The following NUP88 variants were observed in gnomAD, a reference collection of about 807,000 sequenced individuals.
NUP88 encodes nucleoporin 88.
NUP88 carries 57 observed loss-of-function variants against 93.9 expected under a neutral mutation model. That is an observed-to-expected ratio of 0.61 (90% CI 0.49 to 0.76). The LOEUF is 0.76. NUP88 is among the 30% of genes least tolerant of loss of function. NUP88 has a pLI of 0.00. For synonymous variants in NUP88, 346 were observed against 336.8 expected (o/e 1.03, Z -0.30); for missense variants, 911 against 901.0 (o/e 1.01, Z -0.14).
chr17:5,393,056 G>A (rs968958714), intron 9 of NUP88, among the ~76,000 whole-genome samples: 3 of 151,754 alleles, frequency 2.0e-5, no homozygotes, highest in Admixed American at 6.6e-5. Flanking sequence ...AGGGTCATAC[G>A]ATTCTCCTGC....
chr17:5,390,120 G>A lies in NUP88; in HGVS notation c.1485-1160C>T, dbSNP rs143427626. Among the ~76,000 whole-genome samples, 155 of 148,316 alleles carry A rather than the reference G, an allele frequency of 1.0e-3. 1 individual carries two copies. Among genetic ancestry groups the A allele is most frequent in the African/African-American group, 3.7e-3 (147 of 40,042 alleles). On this transcript the variant is annotated intron_variant, in intron 10 of 16. Coordinates refer to ENST00000573584, the MANE Select transcript of NUP88 (RefSeq NM_002532.6). ...GCAGAGGTTGCAGTGAGCTGAGATC[G>A]TGCCACTGCCCTCCAGCTTGGGCAA...
chr17:5,391,698 G>A, intron 9 of NUP88, 36 bp from the exon 10 acceptor site: 1 of 1,555,034 alleles, frequency 6.4e-7, no homozygotes, highest in Non-Finnish European at 8.9e-7. Context: ...TTACAAAGCA[G>A]CAAATGCAAT....
In NUP88 at chr17:5,386,055, A is replaced by T. The variant is rs1454791598; in HGVS notation, c.*151T>A. 2.2e-5 allele frequency: 13 copies of T among 589,502 alleles called. No homozygotes were observed. Among genetic ancestry groups the T allele is most frequent in the Non-Finnish European group, 3.9e-5 (13 of 335,672 alleles). 36.5% of individuals were successfully genotyped at this position (589,502 alleles called of 1,614,324 possible). A position where few individuals can be genotyped will look rare whatever the true frequency, so the allele number is the denominator to read the frequency against. On this transcript the variant is annotated 3_prime_UTR_variant, in exon 17 of 17. Transcript: ENST00000573584. ...AAATTTTAAATAAAAGCATTTACTCAATTATTATAAAACAACATATTTAAA... is the reference window on the plus strand; with the variant it reads ...AAATTTTAAATAAAAGCATTTACTCTATTATTATAAAACAACATATTTAAA...
chr17:5,401,877 C>T (rs1276557536), intron 7 of NUP88, among the ~76,000 whole-genome samples: 1 of 152,148 alleles, frequency 6.6e-6, no homozygotes, highest in African/African-American at 2.4e-5. Context: ...TTGTTAGATA[C>T]CACCCTATGC....
At chr17:5,394,142 T>C (rs1912621718) in intron 9 of NUP88, among the ~76,000 whole-genome samples, 1 of 152,162 alleles carries the variant, frequency 6.6e-6, no homozygotes, top group African/African-American at 2.4e-5. Flanking sequence ...CAGAGTGGTC[T>C]GGGCTAGGGC....
At chr17:5,389,931 C>T (rs972351202) in intron 10 of NUP88, among the ~76,000 whole-genome samples, 8 of 151,858 alleles carry the variant, frequency 5.3e-5, no homozygotes, top group Non-Finnish European at 8.8e-5. Flanking sequence ...TTTGGGAGGC[C>T]GAGGTGGGTG....
chr17:5,400,138 G>GT (rs201472258), intron 7 of NUP88, among the ~76,000 whole-genome samples: 2 of 45,204 alleles, frequency 4.4e-5, no homozygotes, highest in African/African-American at 8.7e-5. Flanking sequence ...TCTTTCATTT[G>GT]TTAAAAAAAA....
In NUP88 at chr17:5,419,604, G is replaced by A. The variant is rs1914482711; in HGVS notation, c.47C>T (p.Thr16Ile). 2.5e-6 allele frequency: 4 copies of A among 1,601,776 alleles called. No individual in the cohort carries two copies. The highest frequency in any genetic ancestry group is 3.4e-6 in the Non-Finnish European group (4 of 1,172,492). The change falls in exon 1 of 17, where the codon ACC (threonine) becomes ATC (isoleucine). Residue 16 changes from threonine to isoleucine, a missense_variant. Physicochemically the swap from Thr to Ile is moderately conservative, Grantham distance 89. Transcript: ENST00000573584. ...GAACACGACGTGGTTAGGAAGCCAG[G>A]TCTGCCACAGCTCGCCGTCGCCCAC... Reference protein sequence around the residue: ...GPVGDGELWQTWLPNHVVFLR... With the variant: ...GPVGDGELWQIWLPNHVVFLR...
intron 2 of NUP88, 25 bp downstream of exon 2, chr17:5,416,488 T>C (rs146341032): frequency 0.023 from 34,842 of 1,510,230 alleles, 492 homozygotes; most frequent in Non-Finnish European, 0.027. Flanking sequence ...TAATAAATTA[T>C]ACAGATAAAT....
At chr17:5,386,630 A>G (rs1912000439) in intron 16 of NUP88, 78 bp downstream of exon 16, 5 of 983,376 alleles carry the variant, frequency 5.1e-6, no homozygotes, top group Non-Finnish European at 8.2e-6. Flanking sequence ...TCAGGTTTCT[A>G]TTAAGACAGG....
intron 1 of NUP88, among the ~76,000 whole-genome samples, chr17:5,419,109 T>A (rs2151652391): frequency 6.6e-6 from 1 of 152,340 alleles, no homozygotes; most frequent in Admixed American, 6.5e-5. Flanking sequence ...CCGCTTTGTT[T>A]TTCTCCAGAG....
At chr17:5,418,222 T>C (rs1178555373) in intron 1 of NUP88, 1 of 152,168 alleles carries the variant, frequency 6.6e-6, no homozygotes, top group East Asian at 1.9e-4. Context: ...CAGTATAGAA[T>C]GTTATTAGAA....
At chr17:5,410,256 A>AT (rs1913753971) in intron 4 of NUP88, among the ~76,000 whole-genome samples, 1 of 152,234 alleles carries the variant, frequency 6.6e-6, no homozygotes, top group African/African-American at 2.4e-5. Context: ...CATTACATGT[A>AT]TATCAAGAAG....
chr17:5,396,101 C>A (rs1912759131), intron 8 of NUP88, among the ~76,000 whole-genome samples: 1 of 152,030 alleles, frequency 6.6e-6, no homozygotes, highest in Admixed American at 6.6e-5. Flanking sequence ...ATCCCAGCTA[C>A]TCGAGAGGCT....
At chr17:5,397,607 C>T (rs1335021689) in intron 8 of NUP88, among the ~76,000 whole-genome samples, 1 of 152,198 alleles carries the variant, frequency 6.6e-6, no homozygotes, top group Non-Finnish European at 1.5e-5. Context: ...CCAGTGAGAA[C>T]CATGCAGGAC....
At chr17:5,411,658 T>A (rs76451064) in intron 3 of NUP88, among the ~76,000 whole-genome samples, 10 of 49,608 alleles carry the variant, frequency 2.0e-4, no homozygotes, top group African/African-American at 7.0e-4. Flanking sequence ...TAATACTGAA[T>A]TTTTTTAACC....
chr17:5,414,647 C>T (rs898534993), intron 2 of NUP88, among the ~76,000 whole-genome samples: 8 of 152,140 alleles, frequency 5.3e-5, no homozygotes, highest in South Asian at 4.1e-4. Flanking sequence ...ACTGGCTGGG[C>T]GCAATGGCTC....
intron 2 of NUP88, among the ~76,000 whole-genome samples, chr17:5,416,190 C>CAT (rs1567578813): frequency 8.2e-6 from 1 of 122,262 alleles, no homozygotes; most frequent in African/African-American, 2.9e-5. Flanking sequence ...TACACACATA[C>CAT]ACACACACAC....
At chr17:5,416,747 G>A in intron 1 of NUP88, 65 bp from the exon 2 acceptor site, 1 of 1,269,328 alleles carries the variant, frequency 7.9e-7, no homozygotes, top group Non-Finnish European at 1.1e-6. Flanking sequence ...GCAGTTACTT[G>A]AAATCACAGT....
Sources: allele counts gnomAD v4.1 joint callset (sites outside exome capture counted in the v4.1 genomes callset), GRCh38; gene constraint gnomAD v4.1.1; transcripts MANE v1.5; gene names NCBI Gene and HGNC (gene_info 2026-07-23, HGNC 2026-07-21).